The following NALF1 variants were observed in gnomAD, a reference collection of about 807,000 sequenced individuals.
NALF1 encodes family with sequence similarity 155 member A.
Under a neutral mutation model 48.4 loss-of-function variants are expected in NALF1, and 3 were observed. The observed-to-expected ratio is 0.06, with a 90% CI of 0.03 to 0.16. The LOEUF (loss-of-function observed/expected upper bound fraction) is 0.16. Ranked by LOEUF, NALF1 falls within the 10% of genes least tolerant of loss-of-function variation. NALF1 has a pLI of 1.00. For missense variants in NALF1, 526 were observed against 571.5 expected (o/e 0.92, Z 0.81); for synonymous variants, 262 against 245.7 (o/e 1.07, Z -0.62).
At chr13:107,442,096 T>C (rs1270153381) in intron 1 of NALF1, among the ~76,000 whole-genome samples, 1 of 152,064 alleles carries the variant, frequency 6.6e-6, no homozygotes, top group East Asian at 1.9e-4. Context: ...AGATTTGAAA[T>C]AGAGCTTTAA....
rs1249807292 is a variant in NALF1, at chr13:107,635,667, T to TA, written c.915+230014dup. 2.0e-5 allele frequency among the ~76,000 whole-genome samples: 3 copies of TA among 152,184 alleles called. No homozygotes were observed. The East Asian group carries it at 5.8e-4, about 29-fold the overall frequency. On this transcript the variant is annotated intron_variant, in intron 1 of 2. Transcript: ENST00000375915. ...TCCTCCATCCATAAAATGGGAATGA[T>TA]AATAATTGTAATGAACCTGTAGCTT... is the stretch of plus-strand genomic sequence containing the variant.
chr13:107,181,518 A>G (rs1879060911), intron 2 of NALF1, among the ~76,000 whole-genome samples: 1 of 149,092 alleles, frequency 6.7e-6, no homozygotes, highest in Non-Finnish European at 1.5e-5. Flanking sequence ...TTTATAGAGT[A>G]CTTTTATAAC....
At chr13:107,389,923 T>A (rs1228300357) in intron 1 of NALF1, among the ~76,000 whole-genome samples, 1 of 152,214 alleles carries the variant, frequency 6.6e-6, no homozygotes, top group African/African-American at 2.4e-5. Flanking sequence ...AATTATTTCT[T>A]AATTATTATC....
intron 1 of NALF1, among the ~76,000 whole-genome samples, chr13:107,784,116 G>C (rs1594264583): frequency 6.6e-6 from 1 of 152,094 alleles, no homozygotes; most frequent in Non-Finnish European, 1.5e-5. Flanking sequence ...GGGATTTCAG[G>C]AACACTTGTA....
At chr13:107,499,176 T>C (rs1036648019) in intron 1 of NALF1, among the ~76,000 whole-genome samples, 2 of 152,014 alleles carry the variant, frequency 1.3e-5, no homozygotes, top group South Asian at 2.1e-4. Flanking sequence ...AAAAAACACA[T>C]ACCTATGATC....
chr13:107,640,581 T>G (rs1026689905), intron 1 of NALF1, among the ~76,000 whole-genome samples: 2 of 152,196 alleles, frequency 1.3e-5, no homozygotes, highest in Non-Finnish European at 2.9e-5. Context: ...ATAGACCAAG[T>G]GTTCTTCAGA....
chr13:107,821,236 G>T (rs1879351941), intron 1 of NALF1, among the ~76,000 whole-genome samples: 1 of 152,160 alleles, frequency 6.6e-6, no homozygotes, highest in Non-Finnish European at 1.5e-5. Context: ...CTGATTTGCT[G>T]AGGACTTATA....
At chr13:107,752,028 A>G (rs1220019928) in intron 1 of NALF1, among the ~76,000 whole-genome samples, 1 of 152,046 alleles carries the variant, frequency 6.6e-6, no homozygotes, top group Non-Finnish European at 1.5e-5. Flanking sequence ...ATGTTTTAGA[A>G]AAACATTAAT....
chr13:107,428,365 G>C (rs554227614), intron 1 of NALF1, among the ~76,000 whole-genome samples: 1 of 152,206 alleles, frequency 6.6e-6, no homozygotes, highest in African/African-American at 2.4e-5. Flanking sequence ...TCTAGACCCA[G>C]CATTTGGGAG....
intron 1 of NALF1, among the ~76,000 whole-genome samples, chr13:107,294,969 C>T (rs974719789): frequency 2.0e-5 from 3 of 149,432 alleles, no homozygotes; most frequent in Non-Finnish European, 4.4e-5. Flanking sequence ...ATTGTTGCTA[C>T]CCATGTACTG....
At chr13:107,670,861 A>G (rs906893137) in intron 1 of NALF1, among the ~76,000 whole-genome samples, 2 of 152,128 alleles carry the variant, frequency 1.3e-5, no homozygotes, top group African/African-American at 4.8e-5. Context: ...TTTGGAAGTG[A>G]GATTTTCAAC....
At chr13:107,329,694 C>T (rs990841380) in intron 1 of NALF1, among the ~76,000 whole-genome samples, 1 of 148,152 alleles carries the variant, frequency 6.7e-6, no homozygotes, top group Admixed American at 6.8e-5. Flanking sequence ...TGTGATGTTC[C>T]CCTTCCTGTG....
At chr13:107,671,434 T>C (rs75907486) in intron 1 of NALF1, among the ~76,000 whole-genome samples, 1 of 152,188 alleles carries the variant, frequency 6.6e-6, no homozygotes, top group Non-Finnish European at 1.5e-5. Context: ...GTCAGATCTA[T>C]AGCTCATAAG....
intron 1 of NALF1, among the ~76,000 whole-genome samples, chr13:107,269,633 T>C (rs144113712): frequency 1.4e-4 from 22 of 152,186 alleles, no homozygotes; most frequent in African/African-American, 5.1e-4. Context: ...CCCCATTATA[T>C]TGTACTCTAC....
At chr13:107,761,473 T>C (rs1300834274) in intron 1 of NALF1, among the ~76,000 whole-genome samples, 1 of 152,206 alleles carries the variant, frequency 6.6e-6, no homozygotes, top group East Asian at 1.9e-4. Flanking sequence ...ATGGGTCCAC[T>C]TGTGTCTCTG....
chr13:107,618,465 A>G (rs908814148), intron 1 of NALF1, among the ~76,000 whole-genome samples: 1 of 152,166 alleles, frequency 6.6e-6, no homozygotes, highest in African/African-American at 2.4e-5. Context: ...ACTTATCCTA[A>G]TTTTTACCTT....
intron 1 of NALF1, among the ~76,000 whole-genome samples, chr13:107,775,712 C>T (rs1050336181): frequency 3.9e-5 from 6 of 152,130 alleles, no homozygotes; most frequent in Non-Finnish European, 5.9e-5. Flanking sequence ...TCCTCTCCAG[C>T]ACCTGTTGTT....
At chr13:107,291,735 A>C (rs1463344424) in intron 1 of NALF1, among the ~76,000 whole-genome samples, 11 of 152,198 alleles carry the variant, frequency 7.2e-5, no homozygotes, top group Non-Finnish European at 2.9e-5. Flanking sequence ...TCAAAGATGT[A>C]ACATTACCTA....
rs892315922 is a variant in NALF1 at position 107,693,853 on chromosome 13, G to A, written c.915+171829C>T. Among the ~76,000 whole-genome samples, 42 of 152,220 alleles carry A rather than the reference G, an allele frequency of 2.8e-4. 2 individuals are homozygous for A. The highest frequency in any genetic ancestry group is 2.5e-3 in the Admixed American group (38 of 15,294). On this transcript the variant is annotated intron_variant, in intron 1 of 2. Coordinates refer to ENST00000375915, the MANE Select transcript of NALF1 (RefSeq NM_001080396.3). ...GGCCACGGTCCTTTCTAAGTGCTGG[G>A]CTACTTGTTTCACACACTGACTTCA...
Sources: allele counts gnomAD v4.1 joint callset (sites outside exome capture counted in the v4.1 genomes callset), GRCh38; gene constraint gnomAD v4.1.1; transcripts MANE v1.5; gene names NCBI Gene and HGNC (gene_info 2026-07-23, HGNC 2026-07-21).